EFNA2: variants seen among roughly 807,000 people sequenced by gnomAD.
EFNA2 encodes the protein ephrin-A2.
Under a neutral mutation model 19.7 loss-of-function variants are expected in EFNA2, and 18 were observed. The ratio of observed to expected loss-of-function variants is 0.91; its 90% confidence interval spans 0.63 to 1.35. EFNA2 has a LOEUF of 1.35. Among genes scored for constraint, EFNA2 ranks in the 40% most tolerant of loss-of-function variants. The pLI is 0.00. For synonymous variants in EFNA2, 187 were observed against 137.8 expected (o/e 1.36, Z -2.50); for missense variants, 303 against 296.0 (o/e 1.02, Z -0.17).
At position 1,299,861 on chromosome 19, in the gene EFNA2, C is replaced by T. The variant is rs1370407704; in HGVS notation, c.558C>T (p.Thr186=). 1 of 1,605,044 alleles carries T rather than the reference C, an allele frequency of 6.2e-7. No homozygotes were observed. The highest frequency in any genetic ancestry group is 2.2e-5 in the East Asian group (1 of 44,736). The change falls in exon 4 of 4, where the codon ACC becomes ACT. Residue 186 remains threonine, a synonymous_variant. Transcript: ENST00000215368. Reference sequence around the variant, plus strand: ...ACGAGGCTCCTGAGCCCATCTTCACCAGCAATAACTCGTGTAGCAGCCCGG... The same window carrying T: ...ACGAGGCTCCTGAGCCCATCTTCACTAGCAATAACTCGTGTAGCAGCCCGG... The part of the protein sequence containing the change: ...TLYEAPEPIF[T]SNNSCSSPGG...
chr19:1,289,230 G>A (rs1252643109), intron 1 of EFNA2, among the ~76,000 whole-genome samples: 4 of 152,272 alleles, frequency 2.6e-5, no homozygotes, highest in East Asian at 1.9e-4. Context: ...GTGTCTGTGC[G>A]TGGCACCCGC....
upstream of EFNA2, among the ~76,000 whole-genome samples, chr19:1,284,571 C>A (rs1948191553): frequency 1.3e-5 from 2 of 152,212 alleles, no homozygotes; most frequent in South Asian, 4.1e-4. The surrounding 1 kb of genome is among the most constrained non-coding windows in gnomAD (Gnocchi z 5.3). Context: ...GGTGGTGTGG[C>A]CCGCGTGGCC....
Position 1,301,231 on chromosome 19 carries a change from A to G in EFNA2, c.*1286A>G, listed in dbSNP as rs1473788118. Among the ~76,000 whole-genome samples the G allele has an allele frequency of 1.3e-5, 2 of 148,594 alleles. No individual in the cohort carries two copies. Among genetic ancestry groups the G allele is most frequent in the African/African-American group, 2.5e-5 (1 of 40,658 alleles). ...ACTCTGTGTTTTATATATATTATAT[A>G]TAAATATATATTGTGTACGGCCGCC... On this transcript the variant is annotated 3_prime_UTR_variant, in exon 4 of 4. Coordinates refer to ENST00000215368, the MANE Select transcript of EFNA2 (RefSeq NM_001405.4).
At position 1,295,906 on chromosome 19, in the gene EFNA2, G is replaced by A. The variant is rs769393171; in HGVS notation, c.454+48G>A. On this transcript the variant is annotated intron_variant, in intron 2 of 3. Coordinates refer to ENST00000215368, the MANE Select transcript of EFNA2 (RefSeq NM_001405.4). The surrounding 1 kb of genome is among the most constrained non-coding windows in gnomAD (Gnocchi z 5.8). ...TGCCGGGGCCCGAGTGGGCGGGGAC[G>A]CGGGGGCGGGGCCAGGAAGTGGGCG... 60 of 1,500,066 alleles carry A rather than the reference G, an allele frequency of 4.0e-5. No individual in the cohort carries two copies. Among genetic ancestry groups the A allele is most frequent in the Non-Finnish European group, 5.1e-5 (57 of 1,127,154 alleles). 92.9% of individuals were successfully genotyped at this position (1,500,066 alleles called of 1,614,324 possible).
rs1001310160 is a variant in EFNA2, at chr19:1,297,096, G to A, written c.454+1238G>A. Among the ~76,000 whole-genome samples the A allele has an allele frequency of 1.3e-5, 2 of 152,310 alleles. No individual in the cohort carries two copies. Among genetic ancestry groups the A allele is most frequent in the South Asian group, 2.1e-4 (1 of 4,824 alleles). Reference sequence around the variant, plus strand: ...TGGCATCACACTCGTGGCTTCCGCCGTGGCGCTGAGACTGAGGGATTCTCG... The same window carrying A: ...TGGCATCACACTCGTGGCTTCCGCCATGGCGCTGAGACTGAGGGATTCTCG... On this transcript the variant is annotated intron_variant, in intron 2 of 3. Coordinates refer to ENST00000215368, the MANE Select transcript of EFNA2 (RefSeq NM_001405.4). This position sits in a 1 kb window ranked among gnomAD's most constrained non-coding sequence, Gnocchi z 5.0.
intron 1 of EFNA2, among the ~76,000 whole-genome samples, chr19:1,292,210 G>C (rs1357670097): frequency 1.3e-5 from 2 of 152,240 alleles, no homozygotes; most frequent in Admixed American, 1.3e-4. Context: ...CCTCGGGCTT[G>C]CCCGCCAACT....
rs930857755 is a variant in EFNA2, at chr19:1,300,910, C to T, written c.*965C>T. 6.6e-6 allele frequency among the ~76,000 whole-genome samples: 1 copy of T among 151,848 alleles called. No individual in the cohort carries two copies. The highest frequency in any genetic ancestry group is 1.5e-5 in the Non-Finnish European group (1 of 67,988). On this transcript the variant is annotated 3_prime_UTR_variant, in exon 4 of 4. Coordinates refer to ENST00000215368, the MANE Select transcript of EFNA2 (RefSeq NM_001405.4). ...CTGTGATTTTATTTTCCACGTATTCCTGAGGACGGACTGGACCGTCTATGT... is the reference window on the plus strand; with the variant it reads ...CTGTGATTTTATTTTCCACGTATTCTTGAGGACGGACTGGACCGTCTATGT...
rs2081468474 is a variant in EFNA2 at position 1,287,057 on chromosome 19, G to A, written c.140+749G>A. 1.3e-5 allele frequency among the ~76,000 whole-genome samples: 2 copies of A among 152,324 alleles called. No individual in the cohort carries two copies. Among genetic ancestry groups the A allele is most frequent in the East Asian group, 1.9e-4 (1 of 5,190 alleles). On this transcript the variant is annotated intron_variant, in intron 1 of 3. Coordinates refer to ENST00000215368, the MANE Select transcript of EFNA2 (RefSeq NM_001405.4). The surrounding 1 kb of genome is among the most constrained non-coding windows in gnomAD (Gnocchi z 6.2). ...GGTGGCCCAGTGCCCTGCCTGCCAC[G>A]CCCGGCCGAGATGCCGCACCCGCCT...
Position 1,296,337 on chromosome 19 carries a change from G to A in EFNA2, c.454+479G>A, listed in dbSNP as rs1437595376. The stretch of plus-strand genomic sequence containing the variant: ...GCCCGAGCCCCAGCACACTGATGAG[G>A]GAAACTGAGGCATCCGGAGCCCAGC... On this transcript the variant is annotated intron_variant, in intron 2 of 3. Transcript: ENST00000215368. The surrounding 1 kb of genome is among the most constrained non-coding windows in gnomAD (Gnocchi z 4.4). Among the ~76,000 whole-genome samples the A allele has an allele frequency of 6.6e-6, 1 of 152,172 alleles. No homozygotes were observed. Among genetic ancestry groups the A allele is most frequent in the Non-Finnish European group, 1.5e-5 (1 of 68,008 alleles).
At position 1,287,964 on chromosome 19, in the gene EFNA2, C is replaced by T. The variant is rs181372227; in HGVS notation, c.140+1656C>T. ...TGTGGGCTGCGGGCCGGACCCCCGG[C>T]CAGGGGAAGGAAGTGGCCTCCCCAG... is the stretch of plus-strand genomic sequence containing the variant. On this transcript the variant is annotated intron_variant, in intron 1 of 3. Transcript: ENST00000215368. The surrounding 1 kb of genome is among the most constrained non-coding windows in gnomAD (Gnocchi z 6.2). Among the ~76,000 whole-genome samples, 141 of 152,384 alleles carry T rather than the reference C, an allele frequency of 9.3e-4. 1 individual carries two copies. The East Asian group carries it at 0.021, about 23-fold the overall frequency.
intron 1 of EFNA2, among the ~76,000 whole-genome samples, chr19:1,290,129 G>A (rs1194313288): frequency 1.3e-5 from 2 of 152,020 alleles, no homozygotes; most frequent in Non-Finnish European, 2.9e-5. Context: ...GGAGCCCTGC[G>A]GTGGGTGCGG....
upstream of EFNA2, among the ~76,000 whole-genome samples, chr19:1,284,334 G>C (rs990396214): frequency 1.3e-5 from 2 of 152,188 alleles, no homozygotes; most frequent in Non-Finnish European, 1.5e-5. This position sits in a 1 kb window ranked among gnomAD's most constrained non-coding sequence, Gnocchi z 5.3. Context: ...AGAGACACCC[G>C]GCCAGCCCTG....
rs1044465416 is a variant in EFNA2 at position 1,296,367 on chromosome 19, G to T, written c.454+509G>T. ...CTGAGGCATCCGGAGCCCAGCAGGG[G>T]AGGGGAGCTTGGTGGAAGCCACAGC... On this transcript the variant is annotated intron_variant, in intron 2 of 3. Transcript: ENST00000215368. The surrounding 1 kb of genome is among the most constrained non-coding windows in gnomAD (Gnocchi z 4.4). Among the ~76,000 whole-genome samples, 12 of 152,218 alleles carry T rather than the reference G, an allele frequency of 7.9e-5. No homozygotes were observed. Among genetic ancestry groups the T allele is most frequent in the African/African-American group, 1.9e-4 (8 of 41,446 alleles).
rs759455684 is a variant in EFNA2 at position 1,298,598 on chromosome 19, G to A, written c.502G>A (p.Val168Met). 1.2e-6 allele frequency: 2 copies of A among 1,614,008 alleles called. No individual in the cohort carries two copies. Among genetic ancestry groups the A allele is most frequent in the South Asian group, 1.1e-5 (1 of 91,072 alleles). Reference protein sequence around the residue: ...AVDRPCLRLKVYVRPTNETLY... With the variant: ...AVDRPCLRLKMYVRPTNETLY... ...GGACCGGCCCTGCCTGCGACTGAAG[G>A]TGTACGTGCGGCCGACCAGTAAGTG... The change falls in exon 3 of 4, where the codon GTG (valine) becomes ATG (methionine). Residue 168 changes from valine (V) to methionine (M), a missense_variant. Transcript: ENST00000215368.
chr19:1,287,950 G>A lies in EFNA2; in HGVS notation c.140+1642G>A, dbSNP rs1472951844. On this transcript the variant is annotated intron_variant, in intron 1 of 3. Transcript: ENST00000215368. This position sits in a 1 kb window ranked among gnomAD's most constrained non-coding sequence, Gnocchi z 6.2. ...ACCTGCCACAGGGCTGTGGGCTGCG[G>A]GCCGGACCCCCGGCCAGGGGAAGGA... Among the ~76,000 whole-genome samples, 2 of 152,262 alleles carry A rather than the reference G, an allele frequency of 1.3e-5. No homozygotes were observed. Among genetic ancestry groups the A allele is most frequent in the Non-Finnish European group, 2.9e-5 (2 of 68,042 alleles).
chr19:1,300,086 C>CT lies in EFNA2; in HGVS notation c.*141_*142insT. 2.4e-6 allele frequency: 3 copies of CT among 1,230,420 alleles called. No individual in the cohort carries two copies. The highest frequency in any genetic ancestry group is 3.2e-6 in the Non-Finnish European group (3 of 925,072). 76.2% of individuals were successfully genotyped at this position (1,230,420 alleles called of 1,614,324 possible). The stretch of plus-strand genomic sequence containing the variant: ...CTCCCTCGCCTGGTGCCGCCCCCGC[C>CT]GGGCAGGGGCCATCCACCCGCCCCA... On this transcript the variant is annotated 3_prime_UTR_variant, in exon 4 of 4. Transcript: ENST00000215368.
In EFNA2 at chr19:1,299,921, G is replaced by A. The variant is rs1363132686; in HGVS notation, c.618G>A (p.Val206=). 14 of 1,603,980 alleles carry A rather than the reference G, an allele frequency of 8.7e-6. No homozygotes were observed. Among genetic ancestry groups the A allele is most frequent in the Non-Finnish European group, 1.2e-5 (14 of 1,178,964 alleles). The part of the protein sequence containing the change: ...GCRLFLSTIP[V]LWTLLGS ...GCCTCTTCCTCAGCACCATCCCCGT[G>A]CTCTGGACCCTCCTGGGTTCCTAGT... is the stretch of plus-strand genomic sequence containing the variant. Residue 206 remains valine (V), a synonymous_variant, in exon 4 of 4, where the codon GTG becomes GTA. Transcript: ENST00000215368.
Position 1,300,121 on chromosome 19 carries a change from C to A in EFNA2, c.*176C>A, listed in dbSNP as rs1450559862. The A allele has an allele frequency of 3.2e-6, 3 of 934,822 alleles. No homozygotes were observed. The highest frequency in any genetic ancestry group is 6.1e-5 in the East Asian group (2 of 32,630). The allele number at this position is 934,822 out of a possible 1,614,324, so 57.9% of individuals were successfully genotyped here. A position where few individuals can be genotyped will look rare whatever the true frequency, so the allele number is the denominator to read the frequency against. ...CCATCCACCCGCCCCAGGACCAGCC[C>A]TCAGGGAGGGGAAACGGCCGAGAGC... On this transcript the variant is annotated 3_prime_UTR_variant, in exon 4 of 4. Coordinates refer to ENST00000215368, the MANE Select transcript of EFNA2 (RefSeq NM_001405.4).
Position 1,298,662 on chromosome 19 carries a change from G to A in EFNA2, c.520+46G>A, listed in dbSNP as rs373414720. Reference sequence around the variant, plus strand: ...GCAGGATCCAGGCCCCCACCCCTGTGTCCTAAACCCACAGAACCAGTGAGT... The same window carrying A: ...GCAGGATCCAGGCCCCCACCCCTGTATCCTAAACCCACAGAACCAGTGAGT... On this transcript the variant is annotated intron_variant, in intron 3 of 3. Transcript: ENST00000215368. 1.0e-5 allele frequency: 16 copies of A among 1,602,574 alleles called. No homozygotes were observed. In the African/African-American group the frequency reaches 2.1e-4, roughly 21 times the overall value.
Sources: allele counts gnomAD v4.1 joint callset (sites outside exome capture counted in the v4.1 genomes callset), GRCh38; gene constraint gnomAD v4.1.1; non-coding constraint Gnocchi (gnomAD v3.1); transcripts MANE v1.5; gene names NCBI Gene and HGNC (gene_info 2026-07-23, HGNC 2026-07-21).